Variants in SYNPR observed in about 807,000 individuals in gnomAD.
SYNPR encodes synaptoporin.
A neutral mutation model predicts 32.9 loss-of-function variants in SYNPR; 23 were observed. The ratio of observed to expected loss-of-function variants is 0.70; its 90% confidence interval spans 0.50 to 0.99. The LOEUF (loss-of-function observed/expected upper bound fraction) is 0.99, where lower values mean the gene tolerates loss of function less well. SYNPR is among the 50% of genes least tolerant of loss of function. The pLI, the probability that SYNPR is intolerant of heterozygous loss-of-function variation, is 0.00. For synonymous variants in SYNPR, 146 were observed against 135.9 expected, an observed-to-expected ratio of 1.07 and a Z score of -0.52; for missense variants, 318 against 349.3, an observed-to-expected ratio of 0.91 and a Z score of 0.71.
At position 63,235,911 on chromosome 3, in the gene SYNPR, CT is replaced by C. The variant is rs1156404604; in HGVS notation, n.66+7536del. On this transcript the variant is annotated intron_variant and non_coding_transcript_variant, in intron 1 of 4. Coordinates refer to the SYNPR transcript ENST00000478456. The stretch of plus-strand genomic sequence containing the variant: ...ATCAATTTTTCTTTTATTAATCATG[CT>C]TTTTGTTTTAAGTCTAGGAACATTT... 4.0e-5 allele frequency among the ~76,000 whole-genome samples: 6 copies of C among 151,870 alleles called. 1 individual carries two copies. Among genetic ancestry groups the C allele is most frequent in the Admixed American group, 2.6e-4 (4 of 15,238 alleles).
At chr3:63,573,276 C>T (rs977097811) in intron 4 of SYNPR, among the ~76,000 whole-genome samples, 4 of 152,118 alleles carry the variant, frequency 2.6e-5, no homozygotes, top group Non-Finnish European at 5.9e-5. Flanking sequence ...TAGTGGACAA[C>T]GCAGGTGAAG....
At chr3:63,477,591 G>A (rs1254376155) in intron 2 of SYNPR, among the ~76,000 whole-genome samples, 1 of 152,172 alleles carries the variant, frequency 6.6e-6, no homozygotes, top group Non-Finnish European at 1.5e-5. Flanking sequence ...TATCTCGGCT[G>A]CCTGCTCTGG....
chr3:63,298,525 C>G (rs55648660), intron 2 of SYNPR, among the ~76,000 whole-genome samples: 18,666 of 152,108 alleles, frequency 0.12, 1,258 homozygotes, highest in Non-Finnish European at 0.16. Flanking sequence ...TCCCTGTGTG[C>G]TGAAACTCAC....
chr3:63,595,923 A>T (rs1425434382), intron 4 of SYNPR, among the ~76,000 whole-genome samples: 1 of 99,386 alleles, frequency 1.0e-5, no homozygotes, highest in African/African-American at 3.6e-5. Flanking sequence ...ATATAGTTTT[A>T]TATATATATA....
chr3:63,610,469 T>C (rs1575736463), intron 5 of SYNPR: 1 of 697,732 alleles, frequency 1.4e-6, no homozygotes, highest in Non-Finnish European at 2.6e-6. Flanking sequence ...CCTGTGTTTC[T>C]ACAGCTTTCT....
chr3:63,519,253 T>C (rs1701860540), intron 3 of SYNPR, among the ~76,000 whole-genome samples: 2 of 152,286 alleles, frequency 1.3e-5, no homozygotes, highest in South Asian at 2.1e-4. Flanking sequence ...TTTTAAGCTC[T>C]GAAATCAGAT....
At chr3:63,291,025 G>A (rs2086733534) in intron 2 of SYNPR, among the ~76,000 whole-genome samples, 2 of 152,182 alleles carry the variant, frequency 1.3e-5, no homozygotes, top group Admixed American at 1.3e-4. Context: ...CATGATCTGA[G>A]TGAAGCATGG....
chr3:63,380,257 C>G (rs973637352), intron 2 of SYNPR, among the ~76,000 whole-genome samples: 2 of 152,160 alleles, frequency 1.3e-5, no homozygotes, highest in Non-Finnish European at 1.5e-5. Flanking sequence ...CCTGAGGAAT[C>G]ACCACACTGT....
chr3:63,277,031 G>A (rs2086581882), upstream of SYNPR, among the ~76,000 whole-genome samples: 1 of 152,138 alleles, frequency 6.6e-6, no homozygotes, highest in Non-Finnish European at 1.5e-5. Context: ...CAAAGGGAGT[G>A]AGAAGGAAGA....
At chr3:63,340,468 G>A (rs1575603410) in intron 2 of SYNPR, among the ~76,000 whole-genome samples, 1 of 136,348 alleles carries the variant, frequency 7.3e-6, no homozygotes, top group Admixed American at 8.1e-5. Flanking sequence ...TGCCCAGGCT[G>A]GAGTGCAGTG....
intron 3 of SYNPR, among the ~76,000 whole-genome samples, chr3:63,269,771 C>T (rs1354194993): frequency 2.6e-5 from 4 of 152,180 alleles, no homozygotes; most frequent in Non-Finnish European, 5.9e-5. Flanking sequence ...TTGCATTCTA[C>T]ATTTATTGGC....
chr3:63,565,246 C>T (rs1210394449), intron 4 of SYNPR, among the ~76,000 whole-genome samples: 3 of 152,160 alleles, frequency 2.0e-5, no homozygotes, highest in Non-Finnish European at 4.4e-5. Flanking sequence ...GCCCCTGACT[C>T]AACCCCCTGC....
At chr3:63,418,934 G>A (rs1189068276) in intron 2 of SYNPR, among the ~76,000 whole-genome samples, 2 of 152,154 alleles carry the variant, frequency 1.3e-5, no homozygotes, top group Non-Finnish European at 2.9e-5. Context: ...CTAAGAATTA[G>A]TAGAATATTT....
intron 4 of SYNPR, 29 bp downstream of exon 4, chr3:63,556,770 TTTCTGTTCC>T: frequency 6.4e-7 from 1 of 1,570,872 alleles, no homozygotes; most frequent in Non-Finnish European, 8.6e-7. Flanking sequence ...CAAATAACTT[TTTCTGTTCC>T]TTCTAATTTC....
At chr3:63,587,517 C>G (rs1408010435) in intron 4 of SYNPR, among the ~76,000 whole-genome samples, 1 of 152,008 alleles carries the variant, frequency 6.6e-6, no homozygotes, top group Non-Finnish European at 1.5e-5. Flanking sequence ...TATTTGACAG[C>G]CTGAATTTAT....
chr3:63,386,278 A>G (rs1387837749), intron 2 of SYNPR, among the ~76,000 whole-genome samples: 1 of 152,208 alleles, frequency 6.6e-6, no homozygotes. Flanking sequence ...AATTGACCCC[A>G]CAATCTTGGC....
intron 2 of SYNPR, among the ~76,000 whole-genome samples, chr3:63,360,605 C>T (rs2087644492): frequency 6.6e-6 from 1 of 152,170 alleles, no homozygotes; most frequent in African/African-American, 2.4e-5. Flanking sequence ...ACGTAGCATT[C>T]CACCCCTTGC....
At chr3:63,430,924 G>A (rs1699981877) in intron 2 of SYNPR, among the ~76,000 whole-genome samples, 2 of 152,172 alleles carry the variant, frequency 1.3e-5, no homozygotes, top group South Asian at 4.1e-4. Context: ...TTCACAGAGT[G>A]GGTGACAACT....
chr3:63,582,172 T>A (rs548981064), intron 4 of SYNPR, among the ~76,000 whole-genome samples: 1 of 152,148 alleles, frequency 6.6e-6, no homozygotes, highest in Admixed American at 6.6e-5. Flanking sequence ...GTGAAAAAGA[T>A]CAAAAACTGG....
Sources: allele counts gnomAD v4.1 joint callset (sites outside exome capture counted in the v4.1 genomes callset), GRCh38; gene constraint gnomAD v4.1.1; transcripts MANE v1.5; gene names NCBI Gene and HGNC (gene_info 2026-07-23, HGNC 2026-07-21).